The following MARK3 variants were observed in gnomAD, a reference collection of about 807,000 sequenced individuals.
The protein encoded by MARK3 is microtubule affinity regulating kinase 3.
A neutral mutation model predicts 90.1 loss-of-function variants in MARK3; 46 were observed. The ratio of observed to expected loss-of-function variants is 0.51; its 90% CI spans 0.40 to 0.65. The LOEUF is 0.65. MARK3 is among the 30% of genes least tolerant of loss of function. The pLI, the probability that MARK3 is intolerant of heterozygous loss-of-function variation, is 0.00. For missense variants in MARK3, 818 were observed against 947.2 expected, an observed-to-expected ratio of 0.86 and a Z score of 1.79; for synonymous variants, 321 against 332.6, an observed-to-expected ratio of 0.97 and a Z score of 0.38.
rs774803500 is a variant in MARK3 at position 103,436,423 on chromosome 14, T to C, written c.297+7983T>C. Among the ~76,000 whole-genome samples, 428 of 151,574 alleles carry C rather than the reference T, an allele frequency of 2.8e-3. 2 individuals carry two copies. Among genetic ancestry groups the C allele is most frequent in the Non-Finnish European group, 4.9e-3 (331 of 67,880 alleles). On this transcript the variant is annotated intron_variant, in intron 3 of 17. Transcript: ENST00000429436. ...TTCTTTTCTTTCTTTTTTTTTTTTT[T>C]CCAACTATCTTTCTCTTTCATTTTC...
intron 5 of MARK3, among the ~76,000 whole-genome samples, chr14:103,454,111 A>G (rs527533078): frequency 1.3e-5 from 2 of 152,334 alleles, no homozygotes; most frequent in Non-Finnish European, 2.9e-5. Flanking sequence ...CTCATTGGCC[A>G]TGTGACCTGG....
intron 2 of MARK3, among the ~76,000 whole-genome samples, chr14:103,418,846 G>A (rs1226101151): frequency 3.3e-5 from 5 of 152,020 alleles, no homozygotes; most frequent in Non-Finnish European, 7.4e-5. Context: ...TTATAATTTT[G>A]TATCTTGTTT....
intron 2 of MARK3, among the ~76,000 whole-genome samples, chr14:103,408,525 C>T (rs1355702342): frequency 6.6e-6 from 1 of 152,138 alleles, no homozygotes; most frequent in East Asian, 1.9e-4. Context: ...GCTTTTAAAA[C>T]AAATGCTCTC....
chr14:103,431,911 C>T (rs1435394033), intron 3 of MARK3, among the ~76,000 whole-genome samples: 1 of 152,128 alleles, frequency 6.6e-6, no homozygotes. Flanking sequence ...CCCTCAGCCT[C>T]CTTGGGTACT....
At chr14:103,495,717 T>C (rs1188733480) in intron 15 of MARK3, among the ~76,000 whole-genome samples, 1 of 152,244 alleles carries the variant, frequency 6.6e-6, no homozygotes, top group Non-Finnish European at 1.5e-5. Context: ...TGCAGAAAGA[T>C]AGTCTTTTAT....
intron 2 of MARK3, among the ~76,000 whole-genome samples, chr14:103,407,554 C>CTTTTTTTTTTTTTTT (rs71460673): frequency 2.8e-5 from 2 of 71,660 alleles, no homozygotes; most frequent in Non-Finnish European, 4.7e-5. Flanking sequence ...TGTTTTGCCT[C>CTTTTTTTTTTTTTTT]TTTTTTTTTT....
chr14:103,500,463 C>T (rs1159568975), intron 17 of MARK3, among the ~76,000 whole-genome samples: 1 of 152,166 alleles, frequency 6.6e-6, no homozygotes, highest in Admixed American at 6.6e-5. Flanking sequence ...CTTTGGAGGT[C>T]TGGGTTGGGT....
chr14:103,411,475 G>A (rs1178026008), intron 2 of MARK3, among the ~76,000 whole-genome samples: 1 of 152,066 alleles, frequency 6.6e-6, no homozygotes, highest in African/African-American at 2.4e-5. Flanking sequence ...AGATACCTGC[G>A]TTAACACATA....
intron 3 of MARK3, among the ~76,000 whole-genome samples, chr14:103,430,261 A>G (rs946799269): frequency 2.0e-5 from 3 of 152,192 alleles, no homozygotes; most frequent in African/African-American, 7.2e-5. Flanking sequence ...TTTATAGGCC[A>G]TTGTTTAAAA....
rs2089727778 is a variant in MARK3 at position 103,385,623 on chromosome 14, AGGCGCCGCC to A, written c.-402_-394del. 1 of 161,760 alleles carries A rather than the reference AGGCGCCGCC, an allele frequency of 6.2e-6. No individual in the cohort carries two copies. The highest frequency in any genetic ancestry group is 1.3e-5 in the Non-Finnish European group (1 of 74,868). 10.0% of individuals were successfully genotyped at this position (161,760 alleles called of 1,614,324 possible). A position where few individuals can be genotyped will look rare whatever the true frequency, so the allele number is the denominator to read the frequency against. ...CATCCTCCTCCGCCTCCTCGTTTTC[AGGCGCCGCC>A]GGCGGCGCTGTGTGGAGGCCCGCGA... On this transcript the variant is annotated 5_prime_UTR_variant, in exon 1 of 18. Transcript: ENST00000429436.
At chr14:103,451,804 A>G in intron 4 of MARK3, 114 bp from the exon 5 acceptor site, 3 of 666,302 alleles carry the variant, frequency 4.5e-6, no homozygotes, top group South Asian at 4.3e-5. Flanking sequence ...AGGGCCAGCT[A>G]TTAAAATCTT....
chr14:103,411,179 C>T (rs1299184859), intron 2 of MARK3, among the ~76,000 whole-genome samples: 2 of 151,906 alleles, frequency 1.3e-5, no homozygotes, highest in South Asian at 2.1e-4. Context: ...GAGGCTAAGG[C>T]GGGAGAATGG....
chr14:103,388,252 T>A (rs1177090572), intron 1 of MARK3, among the ~76,000 whole-genome samples: 2 of 152,256 alleles, frequency 1.3e-5, no homozygotes, highest in East Asian at 1.9e-4. Context: ...TTAAAATGAA[T>A]TTTTGACTTT....
rs535855290 is a variant in MARK3 at position 103,431,088 on chromosome 14, TTTTG to T, written c.297+2652_297+2655del. Among the ~76,000 whole-genome samples the T allele has an allele frequency of 1.8e-3, 270 of 152,214 alleles. 1 individual carries two copies. Among genetic ancestry groups the T allele is most frequent in the African/African-American group, 6.5e-3 (268 of 41,534 alleles). ...GTCAATTTTTTGTTTGTTCGTTTGT[TTTTG>T]TTTTTGTTTTTTTGAGATGGAGTCT... On this transcript the variant is annotated intron_variant, in intron 3 of 17. Transcript: ENST00000429436.
intron 2 of MARK3, among the ~76,000 whole-genome samples, chr14:103,423,757 T>C (rs2092307966): frequency 6.6e-6 from 1 of 152,204 alleles, no homozygotes; most frequent in South Asian, 2.1e-4. Flanking sequence ...CACGTACACA[T>C]GTCACATCAA....
intron 14 of MARK3, chr14:103,490,003 G>T (rs1437790628): frequency 6.6e-6 from 1 of 152,368 alleles, no homozygotes; most frequent in East Asian, 1.9e-4. Context: ...GATTAGGAAG[G>T]TTCTAGACTA....
chr14:103,429,803 G>A (rs2092525036), intron 3 of MARK3, among the ~76,000 whole-genome samples: 1 of 152,076 alleles, frequency 6.6e-6, no homozygotes, highest in African/African-American at 2.4e-5. Flanking sequence ...TAACATACAA[G>A]GATGTTTAAT....
At chr14:103,458,004 A>C (rs1056625117) in intron 6 of MARK3, among the ~76,000 whole-genome samples, 1 of 152,174 alleles carries the variant, frequency 6.6e-6, no homozygotes, top group African/African-American at 2.4e-5. Flanking sequence ...CAGAGTCCCA[A>C]ACCCTCTGAC....
At chr14:103,424,452 G>A (rs994486929) in intron 2 of MARK3, among the ~76,000 whole-genome samples, 5 of 151,724 alleles carry the variant, frequency 3.3e-5, no homozygotes, top group Non-Finnish European at 7.4e-5. Flanking sequence ...CTGAACCTGC[G>A]GAAGTCGAGG....
Sources: gnomAD v4.1 joint callset for allele counts (sites outside exome capture counted in the v4.1 genomes callset) on GRCh38, gnomAD v4.1.1 for gene constraint, MANE v1.5 for transcripts, NCBI Gene and HGNC (gene_info 2026-07-23, HGNC 2026-07-21) for gene names.